Variants in ALK observed in about 807,000 individuals in gnomAD.
ALK encodes the protein ALK receptor tyrosine kinase, also known as ALK tyrosine kinase receptor.
ALK carries 74 observed loss-of-function variants against 163.1 expected under a neutral mutation model. The ratio of observed to expected loss-of-function variants is 0.45; its 90% CI spans 0.38 to 0.55. The LOEUF (loss-of-function observed/expected upper bound fraction) is 0.55, where lower values mean the gene tolerates loss of function less well. Ranked by LOEUF, ALK falls within the 20% of genes least tolerant of loss-of-function variation. ALK has a pLI of 0.00. For synonymous variants in ALK, 960 were observed against 843.2 expected, an observed-to-expected ratio of 1.14 and a Z score of -2.40; for missense variants, 2,063 against 2,105.3, an observed-to-expected ratio of 0.98 and a Z score of 0.39.
intron 4 of ALK, among the ~76,000 whole-genome samples, chr2:29,487,948 T>C (rs1226826443): frequency 6.6e-6 from 1 of 152,178 alleles, no homozygotes; most frequent in Non-Finnish European, 1.5e-5. Flanking sequence ...TGGAGTTACT[T>C]TGGGCTTCTC....
chr2:29,300,000 G>A (rs1264887280), intron 8 of ALK, among the ~76,000 whole-genome samples: 1 of 152,164 alleles, frequency 6.6e-6, no homozygotes, highest in Non-Finnish European at 1.5e-5. Context: ...TTGAACTAGG[G>A]GCTGGCTAGC....
At chr2:29,540,901 G>C (rs1197536439) in intron 3 of ALK, among the ~76,000 whole-genome samples, 8 of 152,084 alleles carry the variant, frequency 5.3e-5, no homozygotes, top group Admixed American at 5.2e-4. Flanking sequence ...AACTCACAAA[G>C]TTCGTTTAAA....
intron 1 of ALK, among the ~76,000 whole-genome samples, chr2:29,872,831 T>G (rs1012261285): frequency 6.6e-6 from 1 of 152,234 alleles, no homozygotes; most frequent in African/African-American, 2.4e-5. Context: ...GCCATAGATC[T>G]GCCCAAAAGT....
chr2:29,580,793 A>G (rs747208521), intron 3 of ALK, among the ~76,000 whole-genome samples: 3 of 152,170 alleles, frequency 2.0e-5, no homozygotes, highest in Non-Finnish European at 4.4e-5. Flanking sequence ...CTGCTGCCCA[A>G]TGGCGGGGAG....
At position 29,721,946 on chromosome 2, in the gene ALK, T is replaced by C. The variant is rs371098828; in HGVS notation, c.668-4249A>G. Among the ~76,000 whole-genome samples, 6 of 152,336 alleles carry C rather than the reference T, an allele frequency of 3.9e-5. No homozygotes were observed. In the East Asian group the frequency reaches 1.2e-3, roughly 29 times the overall value. ...CTCTTAAATCCAACAAAATCTAGAT[T>C]GTCTTCACTACTCCACCTCAAGGTC... On this transcript the variant is annotated intron_variant, in intron 1 of 28. Transcript: ENST00000389048.
chr2:29,280,691 A>G (rs751617604), intron 9 of ALK, among the ~76,000 whole-genome samples: 10 of 150,310 alleles, frequency 6.7e-5, no homozygotes, highest in Non-Finnish European at 1.5e-4. Context: ...TCTAGTATGT[A>G]CCAGGTGGTC....
chr2:29,216,929 T>G (rs967766783), intron 23 of ALK, among the ~76,000 whole-genome samples: 1 of 84,950 alleles, frequency 1.2e-5, no homozygotes, highest in African/African-American at 3.5e-5. Flanking sequence ...TTATGGTGTG[T>G]GGGGGGTGTG....
intron 3 of ALK, among the ~76,000 whole-genome samples, chr2:29,629,736 T>A (rs1447544173): frequency 6.6e-6 from 1 of 152,102 alleles, no homozygotes; most frequent in African/African-American, 2.4e-5. Flanking sequence ...ATATACATGA[T>A]CTTGGCTAAT....
Position 29,328,417 on chromosome 2 carries a change from G to T in ALK, c.1347C>A (p.Leu449=). Residue 449 remains leucine, a synonymous_variant, in exon 6 of 29, where the codon CTC becomes CTA. Coordinates refer to ENST00000389048, the MANE Select transcript of ALK (RefSeq NM_004304.5). ...GGAAGTCACAGGCCTGCCCAAGCTGGAGGACTGTCCCATTCCAACAAGTGA... is the reference window on the plus strand; with the variant it reads ...GGAAGTCACAGGCCTGCCCAAGCTGTAGGACTGTCCCATTCCAACAAGTGA... ...SSFTCWNGTV[L]QLGQACDFHQ... 1 of 1,614,196 alleles carries T rather than the reference G, an allele frequency of 6.2e-7. No homozygotes were observed. The highest frequency in any genetic ancestry group is 8.5e-7 in the Non-Finnish European group (1 of 1,180,028).
At chr2:29,606,781 T>C (rs1055983414) in intron 3 of ALK, among the ~76,000 whole-genome samples, 3 of 152,214 alleles carry the variant, frequency 2.0e-5, no homozygotes, top group African/African-American at 7.2e-5. Flanking sequence ...TCTAAGATAT[T>C]TGTATCTGAC....
At chr2:29,768,393 T>A (rs529481895) in intron 1 of ALK, among the ~76,000 whole-genome samples, 1 of 152,344 alleles carries the variant, frequency 6.6e-6, no homozygotes, top group Non-Finnish European at 1.5e-5. Context: ...CTCAGTATAC[T>A]TTCTTGGTAT....
At chr2:29,884,641 T>C (rs1666945467) in intron 1 of ALK, among the ~76,000 whole-genome samples, 1 of 152,176 alleles carries the variant, frequency 6.6e-6, no homozygotes, top group East Asian at 1.9e-4. Flanking sequence ...GCCAAGTTAT[T>C]ATGTAACAAC....
intron 13 of ALK, 102 bp from the exon 14 acceptor site, chr2:29,233,798 C>A (rs1664290002): frequency 2.6e-6 from 4 of 1,525,440 alleles, no homozygotes; most frequent in Non-Finnish European, 3.6e-6. Flanking sequence ...GACTCTCTCT[C>A]AAAAAACTTA....
chr2:29,482,736 CAACAAT>C (rs1221699904), intron 4 of ALK, among the ~76,000 whole-genome samples: 2 of 78,730 alleles, frequency 2.5e-5, no homozygotes, highest in South Asian at 1.2e-3. Flanking sequence ...AGAGCAAAAA[CAACAAT>C]AACAACAACA....
At position 29,552,556 on chromosome 2, in the gene ALK, C is replaced by T. The variant is rs542816522; in HGVS notation, c.953-20440G>A. ...AAAATAATAGACAAACTAATGGATG[C>T]GAAGTGGTATCCCATGGTTGATTTG... is the stretch of plus-strand genomic sequence containing the variant. On this transcript the variant is annotated intron_variant, in intron 3 of 28. Coordinates refer to ENST00000389048, the MANE Select transcript of ALK (RefSeq NM_004304.5). Among the ~76,000 whole-genome samples, 10 of 152,182 alleles carry T rather than the reference C, an allele frequency of 6.6e-5. No homozygotes were observed. The East Asian group carries it at 7.7e-4, about 12-fold the overall frequency.
At chr2:29,210,700 A>G (rs527256235) in intron 24 of ALK, among the ~76,000 whole-genome samples, 21 of 152,010 alleles carry the variant, frequency 1.4e-4, no homozygotes, top group East Asian at 3.9e-4. Context: ...TCCCAAAGTT[A>G]TTATTATTAA....
At chr2:29,900,431 C>T (rs1279217662) in intron 1 of ALK, among the ~76,000 whole-genome samples, 1 of 152,234 alleles carries the variant, frequency 6.6e-6, no homozygotes, top group East Asian at 1.9e-4. Context: ...TAAGCAGGGT[C>T]GCTGCCTCCT....
intron 5 of ALK, among the ~76,000 whole-genome samples, chr2:29,359,580 A>G (rs1448560576): frequency 1.3e-5 from 2 of 152,254 alleles, no homozygotes; most frequent in Admixed American, 6.5e-5. Flanking sequence ...CTCACATAAT[A>G]AAAGCTGACT....
At chr2:29,351,057 A>T (rs1374422252) in intron 5 of ALK, among the ~76,000 whole-genome samples, 17 of 152,238 alleles carry the variant, frequency 1.1e-4, no homozygotes, top group Admixed American at 1.0e-3. Flanking sequence ...CCTGGACTGG[A>T]GAAATTTGGG....
Sources: gnomAD v4.1 joint callset for allele counts (sites outside exome capture counted in the v4.1 genomes callset) on GRCh38, gnomAD v4.1.1 for gene constraint, MANE v1.5 for transcripts, NCBI Gene and HGNC (gene_info 2026-07-23, HGNC 2026-07-21) for gene names.